Variants in TMEM164 observed in about 807,000 individuals in gnomAD.
TMEM164 encodes the protein RP13-360B22.2.
A neutral mutation model predicts 18.8 loss-of-function variants in TMEM164; 4 were observed. The ratio of observed to expected loss-of-function variants is 0.21; its 90% CI spans 0.10 to 0.49. The LOEUF is 0.49. Among genes scored for constraint, TMEM164 ranks in the 20% least tolerant of loss-of-function variants. The pLI is 0.98. For synonymous variants in TMEM164, 86 were observed against 101.7 expected, an observed-to-expected ratio of 0.85 and a Z score of 0.93; for missense variants, 108 against 239.9, an observed-to-expected ratio of 0.45 and a Z score of 3.63.
chrX:110,139,956 A>G (rs932082975), intron 4 of TMEM164, among the ~76,000 whole-genome samples: 4 of 111,540 alleles, frequency 3.6e-5, no homozygotes, highest in African/African-American at 1.3e-4. Flanking sequence ...ACAGCCATTA[A>G]CAGTAACTGG....
chrX:110,055,306 G>T (rs374640254), intron 2 of TMEM164: 1 of 381,630 alleles, frequency 2.6e-6, no homozygotes, highest in African/African-American at 2.6e-5. Flanking sequence ...CAAACACTAG[G>T]AATGTTTCCA....
intron 2 of TMEM164, among the ~76,000 whole-genome samples, chrX:110,036,309 G>T (rs1934797120): frequency 1.8e-5 from 2 of 111,666 alleles, no homozygotes; most frequent in Admixed American, 9.5e-5. Context: ...TCATGTACCT[G>T]TCTGTGGAGT....
In TMEM164 at chrX:110,051,054, CCTAT is replaced by C. The variant is rs763655406; in HGVS notation, c.391-16290_391-16287del. Among the ~76,000 whole-genome samples the C allele has an allele frequency of 7.0e-3, 786 of 112,253 alleles. 6 individuals carry two copies. The highest frequency in any genetic ancestry group is 0.022 in the African/African-American group (682 of 30,864). On this transcript the variant is annotated intron_variant, in intron 2 of 6. Coordinates refer to ENST00000372068, the MANE Select transcript of TMEM164 (RefSeq NM_032227.4). ...TCCTTTGGTTTCAAATCACAGAAGA[CCTAT>C]CTCTTTGTGCTCCCAGCTTGTTGTC...
rs752114784 is a variant in TMEM164 at position 110,014,531 on chromosome X, A to G, written c.390+10367A>G. On this transcript the variant is annotated intron_variant, in intron 2 of 6. Transcript: ENST00000372068. The stretch of plus-strand genomic sequence containing the variant: ...ATCTCTAAGATTTAAAGAATTTAGA[A>G]GGTGGCTCTCATTGTTAGGAAGCTT... Among the ~76,000 whole-genome samples, 291 of 111,129 alleles carry G rather than the reference A, an allele frequency of 2.6e-3. 1 individual carries two copies. Among genetic ancestry groups the G allele is most frequent in the Non-Finnish European group, 4.3e-3 (228 of 53,032 alleles).
At chrX:110,105,748 AATGAG>A (rs773102353) in intron 3 of TMEM164, among the ~76,000 whole-genome samples, 1 of 37,595 alleles carries the variant, frequency 2.7e-5, no homozygotes, top group African/African-American at 1.2e-4. Flanking sequence ...AGAGAGAGAG[AATGAG>A]AGAGAGAGAG....
At chrX:110,162,323 C>T (rs1192218816) in intron 5 of TMEM164, among the ~76,000 whole-genome samples, 1 of 112,429 alleles carries the variant, frequency 8.9e-6, no homozygotes, top group Non-Finnish European at 1.9e-5. Context: ...ATTCAGGGCC[C>T]TCATCCTGTG....
intron 2 of TMEM164, chrX:110,046,106 T>C: frequency 1.3e-6 from 1 of 754,275 alleles, no homozygotes; most frequent in Non-Finnish European, 1.6e-6. Flanking sequence ...AAGGCTGACA[T>C]GAAGTGCTGA....
At chrX:110,098,101 G>C (rs2066049779) in intron 3 of TMEM164, among the ~76,000 whole-genome samples, 1 of 112,150 alleles carries the variant, frequency 8.9e-6, no homozygotes, top group Non-Finnish European at 1.9e-5. Context: ...CCACTGACCA[G>C]CTCTGCAATC....
chrX:110,167,685 C>T (rs2067175125), intron 5 of TMEM164, among the ~76,000 whole-genome samples: 1 of 111,467 alleles, frequency 9.0e-6, no homozygotes, highest in Non-Finnish European at 1.9e-5. Flanking sequence ...TTTTATGATT[C>T]TCCAGAAAGT....
chrX:110,084,822 G>C (rs954419795), intron 3 of TMEM164, among the ~76,000 whole-genome samples: 5 of 109,922 alleles, frequency 4.5e-5, no homozygotes, highest in African/African-American at 1.7e-4. Context: ...GAGAGCCTCA[G>C]ATTTGGCTTC....
At chrX:110,111,513 A>G (rs370485866) in intron 4 of TMEM164, among the ~76,000 whole-genome samples, 21 of 112,205 alleles carry the variant, frequency 1.9e-4, no homozygotes, top group East Asian at 1.4e-3. Flanking sequence ...CAGCAGCTCT[A>G]TCAGATCCCA....
chrX:110,076,274 T>C (rs978491152), intron 3 of TMEM164, among the ~76,000 whole-genome samples: 2 of 111,191 alleles, frequency 1.8e-5, no homozygotes, highest in Admixed American at 1.9e-4. Flanking sequence ...GAAGTGTTCA[T>C]AGTAGTCTCT....
chrX:110,012,913 GATA>G (rs900370754), intron 2 of TMEM164, among the ~76,000 whole-genome samples: 6 of 112,083 alleles, frequency 5.4e-5, no homozygotes, highest in African/African-American at 1.9e-4. Flanking sequence ...AGGGAGGAAG[GATA>G]ATATGAGTTT....
chrX:110,061,805 C>T (rs1175955871), intron 2 of TMEM164, among the ~76,000 whole-genome samples: 1 of 111,219 alleles, frequency 9.0e-6, no homozygotes, highest in Non-Finnish European at 1.9e-5. Context: ...GGGCGTTTAA[C>T]CGTGGAGTGT....
chrX:110,006,426 AT>A (rs1932721944), intron 2 of TMEM164, among the ~76,000 whole-genome samples: 1 of 111,073 alleles, frequency 9.0e-6, no homozygotes, highest in Non-Finnish European at 1.9e-5. Flanking sequence ...CATCAGAATT[AT>A]GCTTCTTTGC....
chrX:110,017,777 C>G (rs1479723061), intron 2 of TMEM164, among the ~76,000 whole-genome samples: 1 of 108,098 alleles, frequency 9.3e-6, no homozygotes, highest in Admixed American at 9.9e-5. Flanking sequence ...CAATGTTGGT[C>G]AGGCTGGTCT....
In TMEM164 at chrX:110,147,056, G is replaced by A. The variant is rs1470068135; in HGVS notation, c.586+2180G>A. 6.3e-5 allele frequency among the ~76,000 whole-genome samples: 7 copies of A among 111,991 alleles called. No individual in the cohort carries two copies. In the East Asian group the frequency reaches 2.0e-3, roughly 32 times the overall value. ...GCAAGGTCCTGCTTGAGCATATAGT[G>A]CCTCTTCCTATGGTTTGGGGTGGGT... is the stretch of plus-strand genomic sequence containing the variant. On this transcript the variant is annotated intron_variant, in intron 5 of 6. Transcript: ENST00000372068.
chrX:110,145,737 T>C (rs1432714894), intron 5 of TMEM164, among the ~76,000 whole-genome samples: 1 of 111,983 alleles, frequency 8.9e-6, no homozygotes, highest in Admixed American at 9.4e-5. Context: ...TTGAGCTCAC[T>C]GGAAGATAGT....
Position 110,091,951 on chromosome X carries a change from T to A in TMEM164, c.441-17129T>A, listed in dbSNP as rs769985670. On this transcript the variant is annotated intron_variant, in intron 3 of 6. Coordinates refer to ENST00000372068, the MANE Select transcript of TMEM164 (RefSeq NM_032227.4). ...TGGTTAGCCAGTTTTCCCAGCACCA[T>A]TTATTAAATAGGTAATCCTTTCCCC... 3.6e-5 allele frequency among the ~76,000 whole-genome samples: 4 copies of A among 112,335 alleles called. No individual in the cohort carries two copies. In the South Asian group the frequency reaches 1.5e-3, roughly 41 times the overall value.
Sources: allele counts gnomAD v4.1 joint callset (sites outside exome capture counted in the v4.1 genomes callset), GRCh38; gene constraint gnomAD v4.1.1; transcripts MANE v1.5; gene names NCBI Gene and HGNC (gene_info 2026-07-23, HGNC 2026-07-21).